SLC14A2: variants seen among roughly 807,000 people sequenced by gnomAD.
SLC14A2 encodes the protein urea transporter 2.
A neutral mutation model predicts 104.6 loss-of-function variants in SLC14A2; 91 were observed. That is an observed-to-expected ratio of 0.87 (90% CI 0.73 to 1.04). The LOEUF (loss-of-function observed/expected upper bound fraction) is 1.04, where lower values mean the gene tolerates loss of function less well. SLC14A2 is among the 50% of genes least tolerant of loss of function. The pLI is 0.00. For missense variants in SLC14A2, 1,189 were observed against 1,156.0 expected, an observed-to-expected ratio of 1.03 and a Z score of -0.41; for synonymous variants, 476 against 466.4, an observed-to-expected ratio of 1.02 and a Z score of -0.27.
the SLC14A2 span, among the ~76,000 whole-genome samples, chr18:45,182,461 T>C: frequency 6.6e-6 from 1 of 151,900 alleles, no homozygotes; most frequent in Non-Finnish European, 1.5e-5. Flanking sequence ...AAAAATGTGT[T>C]ATTTCAAACT....
At position 45,627,020 on chromosome 18, in the gene SLC14A2, A is replaced by C. The variant is rs1484873; in HGVS notation, c.394A>C (p.Ile132Leu). ...VLRGTAQVMFINNPLSGLIIF... is the reference protein window; with the variant it reads ...VLRGTAQVMFLNNPLSGLIIF... ...GAGAGGGACCGCTCAGGTGATGTTC[A>C]TCAACAATCCTCTCAGCGGCCTCAT... is the stretch of plus-strand genomic sequence containing the variant. The change falls in exon 4 of 20, where the codon ATC becomes CTC. Residue 132 changes from isoleucine to leucine, a missense_variant. Physicochemically the swap from Ile to Leu is conservative, Grantham distance 5. Coordinates refer to ENST00000255226, the MANE Select transcript of SLC14A2 (RefSeq NM_007163.4). 2 of 1,613,024 alleles carry C rather than the reference A, an allele frequency of 1.2e-6. No individual in the cohort carries two copies. The highest frequency in any genetic ancestry group is 4.5e-5 in the East Asian group (2 of 44,872).
chr18:45,365,256 GT>G (rs770498849), intron 1 of SLC14A2, among the ~76,000 whole-genome samples: 8 of 152,204 alleles, frequency 5.3e-5, no homozygotes, highest in Non-Finnish European at 8.8e-5. Context: ...TTCTAGCTCT[GT>G]GACCTTGTGA....
intron 19 of SLC14A2, among the ~76,000 whole-genome samples, chr18:45,680,242 A>AATCAGTGC (rs1252065175): frequency 6.6e-6 from 1 of 152,196 alleles, no homozygotes; most frequent in Non-Finnish European, 1.5e-5. Flanking sequence ...CCTTCCTTGA[A>AATCAGTGC]CAAGTCACTG....
chr18:45,486,231 C>T (rs1041787877), intron 2 of SLC14A2, among the ~76,000 whole-genome samples: 1 of 152,192 alleles, frequency 6.6e-6, no homozygotes, highest in Non-Finnish European at 1.5e-5. Context: ...AGGAGCCAGA[C>T]AAGGGTCTCC....
upstream of SLC14A2, among the ~76,000 whole-genome samples, chr18:45,212,541 C>T (rs2083970281): frequency 6.6e-6 from 1 of 152,144 alleles, no homozygotes; most frequent in Admixed American, 6.5e-5. Flanking sequence ...AAGCTAATCC[C>T]CCTCCTCCAA....
At chr18:45,175,731 T>C in the SLC14A2 span, among the ~76,000 whole-genome samples, 3 of 152,190 alleles carry the variant, frequency 2.0e-5, no homozygotes, top group African/African-American at 7.2e-5. Flanking sequence ...GACTTATTAT[T>C]GGGCCATGAG....
At chr18:45,366,747 T>C (rs999786209) in intron 1 of SLC14A2, among the ~76,000 whole-genome samples, 2 of 152,180 alleles carry the variant, frequency 1.3e-5, no homozygotes, top group African/African-American at 2.4e-5. Flanking sequence ...TCTCTCACAA[T>C]TGAGGGAACT....
intron 1 of SLC14A2, among the ~76,000 whole-genome samples, chr18:45,351,428 C>T (rs2085502513): frequency 6.6e-6 from 1 of 152,168 alleles, no homozygotes. Context: ...GATCCTGGCT[C>T]ACTACAGCCT....
chr18:45,591,868 C>T (rs1159638017), intron 2 of SLC14A2, among the ~76,000 whole-genome samples: 1 of 152,212 alleles, frequency 6.6e-6, no homozygotes, highest in Non-Finnish European at 1.5e-5. Context: ...GCCCATTTGC[C>T]ACCCATCAGT....
At chr18:45,329,647 T>C (rs1671902833) in intron 1 of SLC14A2, among the ~76,000 whole-genome samples, 1 of 152,216 alleles carries the variant, frequency 6.6e-6, no homozygotes, top group South Asian at 2.1e-4. Flanking sequence ...GTTTAAAATA[T>C]GTATACCTTG....
At chr18:45,435,530 A>C (rs1025327270) in intron 1 of SLC14A2, among the ~76,000 whole-genome samples, 4 of 152,206 alleles carry the variant, frequency 2.6e-5, no homozygotes, top group African/African-American at 9.6e-5. Context: ...GTTCTCTTTT[A>C]AATTGGCATG....
chr18:45,350,597 GTACC>G, intron 1 of SLC14A2, among the ~76,000 whole-genome samples: 1 of 152,284 alleles, frequency 6.6e-6, no homozygotes, highest in Non-Finnish European at 1.5e-5. Flanking sequence ...CACACATTAG[GTACC>G]TAATTGATGT....
intron 1 of SLC14A2, among the ~76,000 whole-genome samples, chr18:45,245,600 T>C (rs1346008530): frequency 1.3e-5 from 2 of 152,250 alleles, no homozygotes; most frequent in Non-Finnish European, 2.9e-5. Flanking sequence ...CACTCTGACT[T>C]GGCCTTTACT....
At chr18:45,592,013 CAG>C (rs1486257073) in intron 2 of SLC14A2, among the ~76,000 whole-genome samples, 2 of 152,156 alleles carry the variant, frequency 1.3e-5, no homozygotes, top group Non-Finnish European at 2.9e-5. Context: ...GATACAGGAA[CAG>C]AGAGTCCAAT....
chr18:45,271,398 TG>T (rs1353368078), intron 1 of SLC14A2, among the ~76,000 whole-genome samples: 3 of 152,124 alleles, frequency 2.0e-5, no homozygotes, highest in African/African-American at 7.2e-5. Flanking sequence ...ATTTATGACT[TG>T]AATGGAAATA....
intron 1 of SLC14A2, among the ~76,000 whole-genome samples, chr18:45,225,315 T>A (rs2084103953): frequency 6.6e-6 from 1 of 152,130 alleles, no homozygotes. Context: ...TGTGTGGTAT[T>A]ATTTCTGAGG....
At chr18:45,579,345 A>C (rs958870826) in intron 2 of SLC14A2, among the ~76,000 whole-genome samples, 16 of 152,172 alleles carry the variant, frequency 1.1e-4, no homozygotes. Flanking sequence ...AAATATAGAG[A>C]TCTTTGAAGA....
At chr18:45,342,406 A>C (rs1227680302) in intron 1 of SLC14A2, among the ~76,000 whole-genome samples, 2 of 152,156 alleles carry the variant, frequency 1.3e-5, no homozygotes, top group African/African-American at 2.4e-5. Context: ...AAGAGACAGC[A>C]GATCTGTGTA....
intron 2 of SLC14A2, among the ~76,000 whole-genome samples, chr18:45,534,594 C>A (rs553327116): frequency 6.6e-6 from 1 of 152,052 alleles, no homozygotes; most frequent in African/African-American, 2.4e-5. Context: ...AATAGCATGT[C>A]GGAAACTTTA....
Sources: gnomAD v4.1 joint callset for allele counts (sites outside exome capture counted in the v4.1 genomes callset) on GRCh38, gnomAD v4.1.1 for gene constraint, MANE v1.5 for transcripts, NCBI Gene and HGNC (gene_info 2026-07-23, HGNC 2026-07-21) for gene names.